NFIB: variants seen among roughly 807,000 people sequenced by gnomAD.
NFIB encodes nuclear factor 1 B-type.
A neutral mutation model predicts 61.5 loss-of-function variants in NFIB; 11 were observed. That is an observed-to-expected ratio of 0.18 (90% confidence interval 0.11 to 0.30). The LOEUF is 0.30. Among genes scored for constraint, NFIB ranks in the 10% least tolerant of loss-of-function variants. The probability of loss-of-function intolerance (pLI) is 1.00; values close to 1 mark genes in which losing one functional copy is unlikely to be tolerated. For missense variants in NFIB, 471 were observed against 608.9 expected, an observed-to-expected ratio of 0.77 and a Z score of 2.38; for synonymous variants, 260 against 216.5, an observed-to-expected ratio of 1.20 and a Z score of -1.76.
chr9:14,174,724 G>A (rs1039189537), intron 3 of NFIB, among the ~76,000 whole-genome samples: 9 of 143,522 alleles, frequency 6.3e-5, no homozygotes, highest in Non-Finnish European at 6.0e-5. Flanking sequence ...CCGAGATCAC[G>A]CCACTGCACT....
intron 2 of NFIB, among the ~76,000 whole-genome samples, chr9:14,185,263 A>G (rs576097648): frequency 1.3e-5 from 2 of 152,214 alleles, no homozygotes; most frequent in African/African-American, 4.8e-5. Context: ...GCCGTGAAAA[A>G]ACGACCTGAT....
At chr9:14,412,650 G>C in the NFIB span, among the ~76,000 whole-genome samples, 1 of 152,114 alleles carries the variant, frequency 6.6e-6, no homozygotes, top group Non-Finnish European at 1.5e-5. Flanking sequence ...GCTCAGCTGT[G>C]GTGGGTTACT....
rs1554715692 is a variant in NFIB at position 14,346,300 on chromosome 9, C to CT, written c.109-38781_109-38780insA. On this transcript the variant is annotated intron_variant, in intron 1 of 8. Coordinates refer to the NFIB transcript ENST00000380934. Reference sequence around the variant, plus strand: ...CACGAGGTAACCGACACCCCCCCCCCGTAACCTGAGCTAAAGGTAAAGGTG... The same window carrying CT: ...CACGAGGTAACCGACACCCCCCCCCCTGTAACCTGAGCTAAAGGTAAAGGTG... 1.4e-5 allele frequency among the ~76,000 whole-genome samples: 2 copies of CT among 144,906 alleles called. 1 individual carries two copies. The highest frequency in any genetic ancestry group is 3.1e-5 in the Non-Finnish European group (2 of 64,044).
chr9:14,125,216 G>A (rs1276476664), intron 7 of NFIB, among the ~76,000 whole-genome samples: 1 of 152,196 alleles, frequency 6.6e-6, no homozygotes, highest in Non-Finnish European at 1.5e-5. Flanking sequence ...GGAGTGCAGT[G>A]GCACGATCTC....
chr9:14,210,412 A>G (rs764489208), intron 2 of NFIB, among the ~76,000 whole-genome samples: 8 of 152,168 alleles, frequency 5.3e-5, no homozygotes, highest in Non-Finnish European at 7.4e-5. Flanking sequence ...AAAATAACGA[A>G]AAATGAACTT....
At chr9:14,425,857 A>G in the NFIB span, among the ~76,000 whole-genome samples, 7 of 152,258 alleles carry the variant, frequency 4.6e-5, no homozygotes, top group South Asian at 1.5e-3. Context: ...GAATGAATGA[A>G]TGAAATACAC....
intron 3 of NFIB, among the ~76,000 whole-genome samples, chr9:14,162,412 T>C (rs761214311): frequency 4.6e-5 from 7 of 152,140 alleles, no homozygotes; most frequent in Non-Finnish European, 1.0e-4. Flanking sequence ...GTGTTATATA[T>C]TACTGAATTC....
At chr9:14,416,071 T>C in the NFIB span, among the ~76,000 whole-genome samples, 1 of 152,008 alleles carries the variant, frequency 6.6e-6, no homozygotes, top group African/African-American at 2.4e-5. Context: ...TGTATAAACC[T>C]AAGAAAAAAA....
chr9:14,082,677 TTTTG>T lies in NFIB; in HGVS notation c.*5628_*5631del, dbSNP rs1237184059. The T allele has an allele frequency of 6.4e-5, 13 of 201,996 alleles. No homozygotes were observed. The highest frequency in any genetic ancestry group is 7.5e-5 in the East Asian group (1 of 13,282). 12.5% of individuals were successfully genotyped at this position (201,996 alleles called of 1,614,324 possible). A position where few individuals can be genotyped will look rare whatever the true frequency, so the allele number is the denominator to read the frequency against. On this transcript the variant is annotated 3_prime_UTR_variant, in exon 11 of 11. Transcript: ENST00000380953. ...GGTAAACATTTTGCTGGTTTTTTTT[TTTTG>T]TTTGTTTCTTTCTTGTTTTGCATCA...
the NFIB span, among the ~76,000 whole-genome samples, chr9:14,485,747 C>T: frequency 2.0e-5 from 3 of 152,054 alleles, no homozygotes; most frequent in South Asian, 2.1e-4. Flanking sequence ...TTGTGGTGGG[C>T]GCCTGTAGTC....
At chr9:14,359,820 G>A (rs974206530) in intron 1 of NFIB, among the ~76,000 whole-genome samples, 6 of 151,898 alleles carry the variant, frequency 4.0e-5, no homozygotes, top group South Asian at 4.2e-4. Context: ...TGAAAGCAGC[G>A]CAGAAAGTAG....
chr9:14,136,445 A>G (rs1028683857), intron 6 of NFIB, among the ~76,000 whole-genome samples: 7 of 152,188 alleles, frequency 4.6e-5, no homozygotes, highest in Non-Finnish European at 8.8e-5. Context: ...GCTATAAAAT[A>G]AAATCAATAC....
chr9:14,313,442 G>C lies in NFIB; in HGVS notation c.30+40C>G. The C allele has an allele frequency of 6.2e-7, 1 of 1,613,066 alleles. No individual in the cohort carries two copies. The highest frequency in any genetic ancestry group is 8.5e-7 in the Non-Finnish European group (1 of 1,179,476). ...AACAAAACAAAACAAAGGCATTTCG[G>C]GCCAGAGAGAAAGCTCGAGAAAGCG... On this transcript the variant is annotated intron_variant, in intron 1 of 10. Coordinates refer to ENST00000380953, the MANE Select transcript of NFIB (RefSeq NM_001190737.2). This position sits in a 1 kb window ranked among gnomAD's most constrained non-coding sequence, Gnocchi z 4.5.
chr9:14,095,869 T>A (rs2034698875), intron 10 of NFIB, among the ~76,000 whole-genome samples: 1 of 152,208 alleles, frequency 6.6e-6, no homozygotes, highest in Non-Finnish European at 1.5e-5. Context: ...GGGCAAAAGA[T>A]CTTCCTGTGT....
chr9:14,427,265 G>A, the NFIB span, among the ~76,000 whole-genome samples: 5 of 152,038 alleles, frequency 3.3e-5, no homozygotes, highest in Admixed American at 2.6e-4. Context: ...TACAATAATG[G>A]TAATAATAGT....
the NFIB span, among the ~76,000 whole-genome samples, chr9:14,466,361 A>C: frequency 1.3e-5 from 2 of 152,168 alleles, no homozygotes; most frequent in Non-Finnish European, 2.9e-5. Context: ...AGGCATGGAA[A>C]GACTGGGCTG....
the NFIB span, among the ~76,000 whole-genome samples, chr9:14,471,030 A>G: frequency 1.3e-5 from 2 of 152,360 alleles, no homozygotes; most frequent in African/African-American, 2.4e-5. Flanking sequence ...TAAAGCATTA[A>G]TGATCTGAAA....
intron 2 of NFIB, among the ~76,000 whole-genome samples, chr9:14,201,397 C>G (rs992847131): frequency 1.3e-5 from 2 of 152,226 alleles, no homozygotes; most frequent in Admixed American, 1.3e-4. Flanking sequence ...TTCTTCTTAA[C>G]AGTCCTAGAA....
chr9:14,315,382 A>C (rs1588291927), upstream of NFIB, among the ~76,000 whole-genome samples: 1 of 147,474 alleles, frequency 6.8e-6, no homozygotes, highest in Non-Finnish European at 1.5e-5. Flanking sequence ...TGCTCCCTCC[A>C]CCTCCTCCCC....
Sources: gnomAD v4.1 joint callset for allele counts (sites outside exome capture counted in the v4.1 genomes callset) on GRCh38, gnomAD v4.1.1 for gene constraint, Gnocchi (gnomAD v3.1) non-coding constraint, MANE v1.5 for transcripts, NCBI Gene and HGNC (gene_info 2026-07-23, HGNC 2026-07-21) for gene names.